CCDC85A: variants seen among roughly 807,000 people sequenced by gnomAD.
The protein encoded by CCDC85A is coiled-coil domain containing 85A, also known as coiled-coil domain-containing protein 85A.
Under a neutral mutation model 50.2 loss-of-function variants are expected in CCDC85A, and 38 were observed. The observed-to-expected ratio is 0.76, with a 90% CI of 0.58 to 0.99. CCDC85A has a LOEUF of 0.99. CCDC85A is among the 50% of genes least tolerant of loss of function. The pLI is 0.00. For synonymous variants in CCDC85A, 366 were observed against 301.4 expected (o/e 1.21, Z -2.22); for missense variants, 820 against 742.0 (o/e 1.11, Z -1.22).
chr2:56,322,360 T>C (rs535454270), intron 2 of CCDC85A, among the ~76,000 whole-genome samples: 1 of 152,262 alleles, frequency 6.6e-6, no homozygotes, highest in South Asian at 2.1e-4. Context: ...ACAGGCAACC[T>C]ACAGAATGGG....
intron 2 of CCDC85A, among the ~76,000 whole-genome samples, chr2:56,284,526 C>T (rs1671343362): frequency 6.6e-6 from 1 of 152,110 alleles, no homozygotes; most frequent in Non-Finnish European, 1.5e-5. Flanking sequence ...GTGTGCACCA[C>T]CAGGCCCAGC....
chr2:56,226,893 G>C (rs1166943249), intron 2 of CCDC85A, among the ~76,000 whole-genome samples: 4 of 152,076 alleles, frequency 2.6e-5, no homozygotes, highest in African/African-American at 7.2e-5. Flanking sequence ...TTGTAACTGA[G>C]TATTGGTGGC....
Position 56,233,709 on chromosome 2 carries a change from G to T in CCDC85A, c.1240+40269G>T, listed in dbSNP as rs557413082. Among the ~76,000 whole-genome samples, 481 of 152,302 alleles carry T rather than the reference G, an allele frequency of 3.2e-3. 3 individuals carry two copies. Among genetic ancestry groups the T allele is most frequent in the Non-Finnish European group, 4.4e-3 (297 of 68,028 alleles). ...TTGTTTGGTGACTCCCGCTTTAAAA[G>T]ATTTTGTAGTAGTACTCTCATGTTA... On this transcript the variant is annotated intron_variant, in intron 2 of 5. Coordinates refer to ENST00000407595, the MANE Select transcript of CCDC85A (RefSeq NM_001080433.2).
intron 2 of CCDC85A, among the ~76,000 whole-genome samples, chr2:56,218,791 T>C (rs1668195769): frequency 6.6e-6 from 1 of 151,828 alleles, no homozygotes; most frequent in Non-Finnish European, 1.5e-5. Context: ...TTGAAGAGGC[T>C]GGGCAAGGAG....
chr2:56,343,005 G>A, intron 3 of CCDC85A, 50 bp downstream of exon 3: 1 of 1,265,406 alleles, frequency 7.9e-7, no homozygotes, highest in African/African-American at 1.5e-5. Context: ...TTAAGTTGTA[G>A]TATTTTATTT....
chr2:56,227,669 G>T (rs1240332681), intron 2 of CCDC85A, among the ~76,000 whole-genome samples: 1 of 151,948 alleles, frequency 6.6e-6, no homozygotes, highest in African/African-American at 2.4e-5. Context: ...TCTCCAGGAA[G>T]CCTTCCTGGA....
intron 2 of CCDC85A, among the ~76,000 whole-genome samples, chr2:56,265,595 A>T (rs908654086): frequency 6.6e-6 from 1 of 152,242 alleles, no homozygotes; most frequent in East Asian, 1.9e-4. Context: ...CCACAGTGAG[A>T]TATCACCTCA....
At chr2:56,228,606 C>T (rs999230201) in intron 2 of CCDC85A, among the ~76,000 whole-genome samples, 6 of 151,954 alleles carry the variant, frequency 3.9e-5, no homozygotes, top group African/African-American at 2.4e-5. Flanking sequence ...GATCTTGGCT[C>T]ACTGCAAGCT....
chr2:56,225,379 C>G (rs527940563), intron 2 of CCDC85A, among the ~76,000 whole-genome samples: 24 of 152,066 alleles, frequency 1.6e-4, no homozygotes, highest in Non-Finnish European at 3.4e-4. Context: ...TGAGCCGAGA[C>G]TGCGCCACTG....
At chr2:56,237,852 C>T (rs10490398) in intron 2 of CCDC85A, among the ~76,000 whole-genome samples, 3,018 of 151,874 alleles carry the variant, frequency 0.02, 51 homozygotes, top group South Asian at 0.046. Flanking sequence ...GATGCCTATT[C>T]GGAATGGTCT....
intron 2 of CCDC85A, among the ~76,000 whole-genome samples, chr2:56,271,273 A>G (rs991796806): frequency 1.3e-5 from 2 of 152,222 alleles, no homozygotes; most frequent in African/African-American, 4.8e-5. Context: ...GCCAGCGAAC[A>G]GAGCACAGGG....
At chr2:56,272,191 T>C (rs2104066685) in intron 2 of CCDC85A, among the ~76,000 whole-genome samples, 1 of 152,184 alleles carries the variant, frequency 6.6e-6, no homozygotes, top group South Asian at 2.1e-4. Flanking sequence ...GGTTAAAGAA[T>C]ATGGGATAGG....
Position 56,192,470 on chromosome 2 carries a change from T to A in CCDC85A, c.277-7T>A, listed in dbSNP as rs775387926. 6.2e-7 allele frequency: 1 copy of A among 1,601,636 alleles called. No individual in the cohort carries two copies. The highest frequency in any genetic ancestry group is 8.5e-7 in the Non-Finnish European group (1 of 1,174,072). Reference sequence around the variant, plus strand: ...CTTCCCTTGAATGGTTGTGTCTCTCTTTTCAGGATATCAACCAGAAACTCC... The same window carrying A: ...CTTCCCTTGAATGGTTGTGTCTCTCATTTCAGGATATCAACCAGAAACTCC... On this transcript the variant is annotated splice_region_variant and splice_polypyrimidine_tract_variant and intron_variant, in intron 1 of 5. Coordinates refer to ENST00000407595, the MANE Select transcript of CCDC85A (RefSeq NM_001080433.2). This position sits in a 1 kb window ranked among gnomAD's most constrained non-coding sequence, Gnocchi z 4.7.
chr2:56,292,102 A>C (rs1558626224), intron 2 of CCDC85A, among the ~76,000 whole-genome samples: 1 of 151,972 alleles, frequency 6.6e-6, no homozygotes. Context: ...TTTCTTTTTG[A>C]GACGGAGTCT....
chr2:56,315,604 C>A (rs1978376), intron 2 of CCDC85A, among the ~76,000 whole-genome samples: 54,028 of 151,930 alleles, frequency 0.36, 11,313 homozygotes, highest in African/African-American at 0.58. Flanking sequence ...AATCTGTATG[C>A]TATTCCATTG....
chr2:56,266,962 AC>A (rs1353534008), intron 2 of CCDC85A, among the ~76,000 whole-genome samples: 5 of 152,086 alleles, frequency 3.3e-5, no homozygotes, highest in Admixed American at 6.5e-5. Context: ...CCCATTCCCT[AC>A]TGAGAGCAAG....
intron 3 of CCDC85A, among the ~76,000 whole-genome samples, chr2:56,366,920 T>C (rs1023626902): frequency 1.3e-5 from 2 of 152,218 alleles, no homozygotes; most frequent in African/African-American, 2.4e-5. Context: ...TTTATCTATT[T>C]AATCTTTTGC....
chr2:56,275,959 A>C (rs186056562), intron 2 of CCDC85A, among the ~76,000 whole-genome samples: 4 of 152,314 alleles, frequency 2.6e-5, no homozygotes, highest in Admixed American at 2.6e-4. Flanking sequence ...GAGTCAGAGC[A>C]TGAAGATCCT....
intron 2 of CCDC85A, among the ~76,000 whole-genome samples, chr2:56,295,839 C>G (rs979158350): frequency 6.6e-6 from 1 of 152,164 alleles, no homozygotes; most frequent in African/African-American, 2.4e-5. Context: ...CAGGCAAAGG[C>G]CAGGTGAGAA....
Sources: gnomAD v4.1 joint callset for allele counts (sites outside exome capture counted in the v4.1 genomes callset) on GRCh38, gnomAD v4.1.1 for gene constraint, Gnocchi (gnomAD v3.1) non-coding constraint, MANE v1.5 for transcripts, NCBI Gene and HGNC (gene_info 2026-07-23, HGNC 2026-07-21) for gene names.